LINGO2: variants seen among roughly 807,000 people sequenced by gnomAD.
The protein encoded by LINGO2 is leucine-rich repeat and immunoglobulin-like domain-containing nogo receptor-interacting protein 2.
LINGO2 carries 14 observed loss-of-function variants against 30.6 expected under a neutral mutation model. The observed-to-expected ratio is 0.46, with a 90% CI of 0.30 to 0.72. The LOEUF (loss-of-function observed/expected upper bound fraction) is 0.72, where lower values mean the gene tolerates loss of function less well. Among genes scored for constraint, LINGO2 ranks in the 30% least tolerant of loss-of-function variants. LINGO2 has a pLI of 0.07. For missense variants in LINGO2, 729 were observed against 751.7 expected, an observed-to-expected ratio of 0.97 and a Z score of 0.35; for synonymous variants, 317 against 288.5, an observed-to-expected ratio of 1.10 and a Z score of -1.00.
chr9:27,986,480 C>T (rs1050154535), intron 5 of LINGO2, among the ~76,000 whole-genome samples: 1 of 151,722 alleles, frequency 6.6e-6, no homozygotes, highest in Admixed American at 6.6e-5. Flanking sequence ...AGAGTTTGGG[C>T]ACCATTTAGG....
the LINGO2 span, among the ~76,000 whole-genome samples, chr9:28,875,596 AC>A: frequency 6.6e-6 from 1 of 152,180 alleles, no homozygotes; most frequent in African/African-American, 2.4e-5. Context: ...GCCCTTTATT[AC>A]CATTAACCTA....
At chr9:28,630,629 A>G (rs1205040915) in intron 1 of LINGO2, among the ~76,000 whole-genome samples, 3 of 152,128 alleles carry the variant, frequency 2.0e-5, no homozygotes, top group African/African-American at 7.2e-5. Flanking sequence ...GGAGGCTTCT[A>G]ATGCTATCAA....
chr9:28,433,949 C>CTCTATATATATATATATATATATATATA (rs1225323260), intron 2 of LINGO2, among the ~76,000 whole-genome samples: 1 of 88,478 alleles, frequency 1.1e-5, no homozygotes, highest in African/African-American at 4.5e-5. Flanking sequence ...CTCTCTCTCT[C>CTCTATATATATATATATATATATATATA]TATATATATA....
intron 4 of LINGO2, among the ~76,000 whole-genome samples, chr9:28,209,412 C>A (rs1820516357): frequency 6.6e-6 from 1 of 151,830 alleles, no homozygotes; most frequent in African/African-American, 2.4e-5. Context: ...TTGGGAATTT[C>A]TTTTCATACT....
chr9:27,974,551 A>C (rs1462874189), intron 5 of LINGO2, among the ~76,000 whole-genome samples: 1 of 152,086 alleles, frequency 6.6e-6, no homozygotes, highest in Non-Finnish European at 1.5e-5. Context: ...ATGCAATGCT[A>C]GTCACCATGA....
the LINGO2 span, among the ~76,000 whole-genome samples, chr9:28,700,919 C>T: frequency 6.6e-6 from 1 of 151,956 alleles, no homozygotes; most frequent in African/African-American, 2.4e-5. Context: ...GAAGCATCTT[C>T]TCATATTCTT....
At chr9:28,952,450 T>A in the LINGO2 span, among the ~76,000 whole-genome samples, 1 of 152,178 alleles carries the variant, frequency 6.6e-6, no homozygotes, top group African/African-American at 2.4e-5. Flanking sequence ...CTCTTTGCAA[T>A]GAAATTTTTC....
the LINGO2 span, among the ~76,000 whole-genome samples, chr9:29,039,483 C>A: frequency 6.6e-6 from 1 of 152,098 alleles, no homozygotes. Flanking sequence ...TAGCAAAACT[C>A]AAAGCTTACT....
the LINGO2 span, among the ~76,000 whole-genome samples, chr9:29,047,051 A>AAAAAAAAAAAAAAAAAAAAAAAAAC: frequency 2.8e-5 from 3 of 106,906 alleles, no homozygotes; most frequent in Admixed American, 9.5e-5. Context: ...AAAAAAAAAA[A>AAAAAAAAAAAAAAAAAAAAAAAAAC]CCAAAAACAA....
the LINGO2 span, among the ~76,000 whole-genome samples, chr9:28,692,942 A>G: frequency 6.6e-6 from 1 of 152,170 alleles, no homozygotes; most frequent in Non-Finnish European, 1.5e-5. Flanking sequence ...CTTGCTTCAG[A>G]GAGTAATAAA....
the LINGO2 span, among the ~76,000 whole-genome samples, chr9:28,762,968 T>C: frequency 1.3e-5 from 2 of 152,192 alleles, no homozygotes; most frequent in East Asian, 1.9e-4. Flanking sequence ...TAGTTTATAG[T>C]TGTCAACGGG....
At chr9:29,038,335 C>T in the LINGO2 span, among the ~76,000 whole-genome samples, 1 of 151,984 alleles carries the variant, frequency 6.6e-6, no homozygotes, top group Non-Finnish European at 1.5e-5. Flanking sequence ...ACGCATTTCA[C>T]TGTTTACTTA....
rs767122369 is a variant in LINGO2 at position 28,056,059 on chromosome 9, T to C, written c.-86-43654A>G. 2.6e-5 allele frequency among the ~76,000 whole-genome samples: 4 copies of C among 152,098 alleles called. No individual in the cohort carries two copies. The South Asian group carries it at 6.2e-4, about 24-fold the overall frequency. ...AAAAGAAACTATTTTAAAGGAAAGA[T>C]CCAGAGAAAAAAGAAAGGAGCTCCC... On this transcript the variant is annotated intron_variant, in intron 4 of 5. Coordinates refer to ENST00000379992, the Ensembl canonical transcript of LINGO2.
the LINGO2 span, among the ~76,000 whole-genome samples, chr9:28,713,943 A>G: frequency 2.0e-5 from 3 of 151,950 alleles, no homozygotes; most frequent in African/African-American, 7.3e-5. Context: ...GGATCACCTG[A>G]GGTCAGGAGT....
intron 1 of LINGO2, among the ~76,000 whole-genome samples, chr9:28,506,501 CAG>C (rs1252103922): frequency 1.2e-5 from 1 of 85,368 alleles, no homozygotes; most frequent in African/African-American, 4.5e-5. Context: ...CACACACACA[CAG>C]ACATATATAT....
the LINGO2 span, among the ~76,000 whole-genome samples, chr9:29,051,793 T>G: frequency 6.6e-5 from 10 of 152,148 alleles, no homozygotes. Context: ...GCATTCAAAT[T>G]CTGGCTCCAC....
intron 2 of LINGO2, among the ~76,000 whole-genome samples, chr9:28,456,147 T>C (rs943851542): frequency 6.6e-6 from 1 of 152,346 alleles, no homozygotes; most frequent in Admixed American, 6.5e-5. Context: ...CCATATGCTA[T>C]TCAATCACCA....
At chr9:28,814,291 G>C in the LINGO2 span, among the ~76,000 whole-genome samples, 4 of 152,044 alleles carry the variant, frequency 2.6e-5, no homozygotes, top group African/African-American at 7.2e-5. Flanking sequence ...ACAAAAATTA[G>C]CTGGGTGTGG....
chr9:28,990,910 G>A, the LINGO2 span, among the ~76,000 whole-genome samples: 1 of 152,090 alleles, frequency 6.6e-6, no homozygotes, highest in African/African-American at 2.4e-5. Flanking sequence ...CCACAAAGAT[G>A]GGGAAAAAAC....
Sources: allele counts gnomAD v4.1 joint callset (sites outside exome capture counted in the v4.1 genomes callset), GRCh38; gene constraint gnomAD v4.1.1; transcripts MANE v1.5; gene names NCBI Gene and HGNC (gene_info 2026-07-23, HGNC 2026-07-21).